Variants in MYO1F observed in about 807,000 individuals in gnomAD.
MYO1F encodes the protein unconventional myosin-If.
Under a neutral mutation model 146.6 loss-of-function variants are expected in MYO1F, and 60 were observed. The observed-to-expected ratio is 0.41, with a 90% CI of 0.33 to 0.51. The LOEUF is 0.51. Among genes scored for constraint, MYO1F ranks in the 20% least tolerant of loss-of-function variants. MYO1F has a pLI of 0.25. For missense variants in MYO1F, 1,274 were observed against 1,534.3 expected (o/e 0.83, Z 2.83); for synonymous variants, 602 against 602.1 (o/e 1.00, Z 0.00).
chr19:8,543,690 G>GTGC lies in MYO1F; in HGVS notation c.1524+606_1524+607insGCA, dbSNP rs770023610. Among the ~76,000 whole-genome samples the GTGC allele has an allele frequency of 2.4e-3, 47 of 19,476 alleles. 5 individuals are homozygous for GTGC. Among genetic ancestry groups the GTGC allele is most frequent in the South Asian group, 6.1e-3 (3 of 494 alleles). The allele number at this position is 19,476 out of a possible 152,430, so 12.8% of individuals were successfully genotyped here. A position where few individuals can be genotyped will look rare whatever the true frequency, so the allele number is the denominator to read the frequency against. On this transcript the variant is annotated intron_variant, in intron 14 of 27. Transcript: ENST00000644032. ...GGTGGTGGTGCTGGTGGTGGTGGTG[G>GTGC]TGGTGGTGGTGGTGGTGCTGGTGGT...
chr19:8,552,571 G>GT (rs1973658915), intron 6 of MYO1F, among the ~76,000 whole-genome samples: 2 of 152,006 alleles, frequency 1.3e-5, no homozygotes, highest in South Asian at 4.1e-4. Context: ...CCAGCCCAAG[G>GT]GTATGGAATT....
intron 1 of MYO1F, among the ~76,000 whole-genome samples, chr19:8,564,146 C>T (rs1031608565): frequency 5.9e-5 from 9 of 151,854 alleles, no homozygotes; most frequent in African/African-American, 1.7e-4. Context: ...TTTGGGAGGC[C>T]AAGGTGGATG....
At chr19:8,561,147 A>C (rs4566305) in intron 1 of MYO1F, among the ~76,000 whole-genome samples, 1 of 151,684 alleles carries the variant, frequency 6.6e-6, no homozygotes, top group East Asian at 1.9e-4. Flanking sequence ...GCCTTCCAAA[A>C]TGCTGGGATT....
Position 8,521,218 on chromosome 19 carries a change from C to G in MYO1F, c.*310G>C, listed in dbSNP as rs540599977. 1.6e-4 allele frequency: 71 copies of G among 441,310 alleles called. No homozygotes were observed. Among genetic ancestry groups the G allele is most frequent in the Non-Finnish European group, 2.5e-4 (60 of 235,778 alleles). 27.3% of individuals were successfully genotyped at this position (441,310 alleles called of 1,614,324 possible). ...TGTGCCTGGCACTTTGCCAACAGCA[C>G]AGGACTCAAGACCCATTTCTTAATC... is the stretch of plus-strand genomic sequence containing the variant. On this transcript the variant is annotated 3_prime_UTR_variant, in exon 28 of 28. Transcript: ENST00000644032.
Position 8,577,276 on chromosome 19 carries a change from T to G in MYO1F, c.3+31A>C, listed in dbSNP as rs4542783. 4 of 1,612,224 alleles carry G rather than the reference T, an allele frequency of 2.5e-6. No homozygotes were observed. Among genetic ancestry groups the G allele is most frequent in the Non-Finnish European group, 8.5e-7 (1 of 1,179,024 alleles). On this transcript the variant is annotated intron_variant, in intron 1 of 27. Transcript: ENST00000644032. The surrounding 1 kb of genome is among the most constrained non-coding windows in gnomAD (Gnocchi z 4.3). ...ACCTGGCTGGTGTCCCTCCTCTTTC[T>G]TCTTCCAGATCCCACCCTTGAAGGA...
At chr19:8,523,389 T>C (rs529470889) in intron 25 of MYO1F, among the ~76,000 whole-genome samples, 1 of 151,628 alleles carries the variant, frequency 6.6e-6, no homozygotes, top group African/African-American at 2.4e-5. Flanking sequence ...CTCGCCCAGG[T>C]TGGAGTGCAG....
chr19:8,554,950 G>A (rs1426848680), intron 2 of MYO1F, among the ~76,000 whole-genome samples: 2 of 152,024 alleles, frequency 1.3e-5, no homozygotes, highest in African/African-American at 4.8e-5. Context: ...TTGGAAGGCC[G>A]AGGCAGGCGG....
At chr19:8,572,238 G>A (rs560599012) in intron 1 of MYO1F, among the ~76,000 whole-genome samples, 1 of 150,302 alleles carries the variant, frequency 6.7e-6, no homozygotes, top group Non-Finnish European at 1.5e-5. Context: ...TCATTGTTAC[G>A]TTCACTCTTT....
Position 8,522,328 on chromosome 19 carries a change from A to G in MYO1F, c.3220+49T>C, listed in dbSNP as rs745925360. On this transcript the variant is annotated intron_variant, in intron 27 of 27. Coordinates refer to ENST00000644032, the MANE Select transcript of MYO1F (RefSeq NM_012335.4). ...TGAGCCACCGCGCCCGGCCGATGTC[A>G]GGGTTCTTACCACTCCCCTCACCCC... 7 of 1,611,792 alleles carry G rather than the reference A, an allele frequency of 4.3e-6. No individual in the cohort carries two copies. The Admixed American group carries it at 5.0e-5, about 12-fold the overall frequency.
At position 8,521,423 on chromosome 19, in the gene MYO1F, A is replaced by G. The variant is rs1972056199; in HGVS notation, c.*105T>C. 5.6e-6 allele frequency: 7 copies of G among 1,240,286 alleles called. No individual in the cohort carries two copies. Among genetic ancestry groups the G allele is most frequent in the Non-Finnish European group, 8.2e-6 (7 of 856,866 alleles). 76.8% of individuals were successfully genotyped at this position (1,240,286 alleles called of 1,614,324 possible). ...GGCCAAAGGACTGGACTTTTAGGCTATTGCAGCCCAGGTAAACGAGGCTCT... is the reference window on the plus strand; with the variant it reads ...GGCCAAAGGACTGGACTTTTAGGCTGTTGCAGCCCAGGTAAACGAGGCTCT... On this transcript the variant is annotated 3_prime_UTR_variant, in exon 28 of 28. Coordinates refer to ENST00000644032, the MANE Select transcript of MYO1F (RefSeq NM_012335.4).
chr19:8,575,375 G>A (rs997982154), intron 1 of MYO1F, among the ~76,000 whole-genome samples: 5 of 151,776 alleles, frequency 3.3e-5, no homozygotes, highest in Non-Finnish European at 4.4e-5. Context: ...GCACCCGGCC[G>A]GGCATTAGAT....
chr19:8,527,973 C>T (rs911304994), intron 21 of MYO1F, among the ~76,000 whole-genome samples: 4 of 152,176 alleles, frequency 2.6e-5, no homozygotes, highest in South Asian at 2.1e-4. Context: ...CCTGTAATCC[C>T]AGCATTTTGG....
intron 1 of MYO1F, among the ~76,000 whole-genome samples, chr19:8,570,395 A>C (rs2042086784): frequency 6.8e-6 from 1 of 146,614 alleles, no homozygotes; most frequent in Admixed American, 6.9e-5. Context: ...TTTGAGATGG[A>C]GTCTCGCTCT....
intron 10 of MYO1F, 26 bp from the exon 11 acceptor site, chr19:8,548,343 T>C (rs1268758052): frequency 6.2e-7 from 1 of 1,606,608 alleles, no homozygotes; most frequent in Admixed American, 1.7e-5. Flanking sequence ...GGACAGGAAG[T>C]CAGTGGGCAT....
intron 19 of MYO1F, among the ~76,000 whole-genome samples, chr19:8,533,357 CTT>C (rs762061787): frequency 8.7e-5 from 10 of 115,164 alleles, no homozygotes; most frequent in Admixed American, 8.9e-5. Context: ...TCTTCTTCTT[CTT>C]TTTTTTTTTT....
rs374157870 is a variant in MYO1F at position 8,553,868 on chromosome 19, T to TCACACACACACACACACACACACA, written c.327-455_327-432dup. Among the ~76,000 whole-genome samples, 77 of 121,544 alleles carry TCACACACACACACACACACACACA rather than the reference T, an allele frequency of 6.3e-4. 2 individuals are homozygous for TCACACACACACACACACACACACA. The highest frequency in any genetic ancestry group is 7.9e-4 in the African/African-American group (23 of 29,198). The allele number at this position is 121,544 out of a possible 152,430, so 79.7% of individuals were successfully genotyped here. A position where few individuals can be genotyped will look rare whatever the true frequency, so the allele number is the denominator to read the frequency against. On this transcript the variant is annotated intron_variant, in intron 4 of 27. Coordinates refer to ENST00000644032, the MANE Select transcript of MYO1F (RefSeq NM_012335.4). ...GCCTGGGTGACAGACTGAGACTCTG[T>TCACACACACACACACACACACACA]CACACACACACACACACACACACAC... is the stretch of plus-strand genomic sequence containing the variant.
chr19:8,569,103 T>A (rs1010895232), intron 1 of MYO1F, among the ~76,000 whole-genome samples: 1 of 150,312 alleles, frequency 6.7e-6, no homozygotes, highest in African/African-American at 2.5e-5. Context: ...ACTTGTTGAA[T>A]GAATGAATGA....
chr19:8,556,887 CAAAAAA>C (rs534645939), intron 1 of MYO1F, among the ~76,000 whole-genome samples: 1 of 69,136 alleles, frequency 1.4e-5, no homozygotes, highest in Middle Eastern at 6.5e-3. Context: ...AACTCTGTCT[CAAAAAA>C]AAAAAAAAAA....
intron 13 of MYO1F, among the ~76,000 whole-genome samples, chr19:8,544,721 C>G: frequency 6.6e-6 from 1 of 152,142 alleles, no homozygotes; most frequent in East Asian, 1.9e-4. Flanking sequence ...GTGGGGACCC[C>G]TCAAGAGATT....
Sources: gnomAD v4.1 joint callset for allele counts (sites outside exome capture counted in the v4.1 genomes callset) on GRCh38, gnomAD v4.1.1 for gene constraint, Gnocchi (gnomAD v3.1) non-coding constraint, MANE v1.5 for transcripts, NCBI Gene and HGNC (gene_info 2026-07-23, HGNC 2026-07-21) for gene names.